CCDC126: variants seen among roughly 807,000 people sequenced by gnomAD.
The protein encoded by CCDC126 is coiled-coil domain-containing protein 126.
A neutral mutation model predicts 11.7 loss-of-function variants in CCDC126; 5 were observed. That is an observed-to-expected ratio of 0.43 (90% CI 0.22 to 0.90). The LOEUF is 0.90. CCDC126 is among the 40% of genes least tolerant of loss of function. The pLI is 0.27. For missense variants in CCDC126, 150 were observed against 163.1 expected (o/e 0.92, Z 0.44); for synonymous variants, 60 against 61.9 (o/e 0.97, Z 0.14).
At chr7:23,641,394 C>G (rs1263216350) in intron 3 of CCDC126, among the ~76,000 whole-genome samples, 2 of 152,124 alleles carry the variant, frequency 1.3e-5, no homozygotes, top group African/African-American at 4.8e-5. Context: ...TTTATATATT[C>G]TAGGTAGTAG....
intron 2 of CCDC126, among the ~76,000 whole-genome samples, chr7:23,605,528 C>A (rs1236716808): frequency 1.3e-5 from 2 of 152,018 alleles, no homozygotes; most frequent in African/African-American, 4.8e-5. Flanking sequence ...CATCATCATG[C>A]AACCATCACT....
In CCDC126 at chr7:23,644,217, A is replaced by G. The variant is rs1783419928; in HGVS notation, c.*1102A>G. On this transcript the variant is annotated 3_prime_UTR_variant, in exon 4 of 4. Transcript: ENST00000307471. ...TAAAATAAGAACATTTAAAATATAA[A>G]CTATGAAGATTGACTATCTTTTCAG... 1 of 152,326 alleles carries G rather than the reference A, an allele frequency of 6.6e-6. No homozygotes were observed. Among genetic ancestry groups the G allele is most frequent in the African/African-American group, 2.4e-5 (1 of 41,440 alleles). 9.4% of individuals were successfully genotyped at this position (152,326 alleles called of 1,614,324 possible). A position where few individuals can be genotyped will look rare whatever the true frequency, so the allele number is the denominator to read the frequency against.
intron 2 of CCDC126, chr7:23,598,627 G>C (rs137874710): frequency 6.6e-6 from 1 of 152,194 alleles, no homozygotes; most frequent in Non-Finnish European, 1.5e-5. Flanking sequence ...TTACAGTCCT[G>C]CCTCTGGGCT....
intron 3 of CCDC126, among the ~76,000 whole-genome samples, chr7:23,624,207 A>G (rs1187610282): frequency 6.6e-6 from 1 of 152,160 alleles, no homozygotes; most frequent in Non-Finnish European, 1.5e-5. Context: ...ACATAAAGAG[A>G]AAAACAGTTT....
At chr7:23,637,964 T>C (rs1235972114) in intron 3 of CCDC126, among the ~76,000 whole-genome samples, 2 of 91,108 alleles carry the variant, frequency 2.2e-5, no homozygotes, top group South Asian at 4.7e-4. Context: ...GGGAGGGAGG[T>C]GGGGGGGTCA....
intron 3 of CCDC126, among the ~76,000 whole-genome samples, chr7:23,621,093 T>A (rs1279665530): frequency 2.0e-5 from 3 of 152,246 alleles, no homozygotes; most frequent in African/African-American, 7.2e-5. Flanking sequence ...AACTTTAAAG[T>A]AGTTTTTTCC....
chr7:23,608,068 G>A (rs979099299), intron 2 of CCDC126, among the ~76,000 whole-genome samples: 2 of 152,174 alleles, frequency 1.3e-5, no homozygotes, highest in Non-Finnish European at 2.9e-5. Flanking sequence ...AAGGAGAAAC[G>A]TGCATGCACA....
intron 2 of CCDC126, among the ~76,000 whole-genome samples, chr7:23,608,021 A>C (rs553090564): frequency 9.2e-5 from 14 of 152,338 alleles, no homozygotes; most frequent in Non-Finnish European, 1.2e-4. Context: ...CCGAATATAC[A>C]TATTTAATAA....
chr7:23,622,918 G>A (rs1287756669), intron 3 of CCDC126: 1 of 289,392 alleles, frequency 3.5e-6, no homozygotes, highest in Non-Finnish European at 6.8e-6. Context: ...TTATTATTCT[G>A]TTGACCTGTT....
chr7:23,629,610 G>A (rs1783072660), intron 3 of CCDC126, among the ~76,000 whole-genome samples: 1 of 151,788 alleles, frequency 6.6e-6, no homozygotes, highest in Non-Finnish European at 1.5e-5. Context: ...AAAATAGAAA[G>A]TCTCAGGAGA....
intron 3 of CCDC126, among the ~76,000 whole-genome samples, chr7:23,638,726 T>TAAAAAAAAAAAAAAAAA (rs1783291366): frequency 2.6e-5 from 1 of 39,210 alleles, no homozygotes. Flanking sequence ...AAAAAAAAAA[T>TAAAAAAAAAAAAAAAAA]TAAAAAAAAA....
At chr7:23,616,032 A>G (rs1458751857) in intron 3 of CCDC126, among the ~76,000 whole-genome samples, 3 of 152,204 alleles carry the variant, frequency 2.0e-5, no homozygotes, top group Non-Finnish European at 4.4e-5. Flanking sequence ...TAAAAACACA[A>G]TATCTGTAAA....
In CCDC126 at chr7:23,633,201, G is replaced by C. The variant is rs113637032; in HGVS notation, c.239-9730G>C. 1.8e-4 allele frequency among the ~76,000 whole-genome samples: 27 copies of C among 151,886 alleles called. 2 individuals are homozygous for C. The highest frequency in any genetic ancestry group is 4.6e-4 in the African/African-American group (19 of 41,400). ...GGGAAGGGGTTTCTCCATGTTGATC[G>C]GGCTGGTCTGGAACTCCCAACCTCA... is the stretch of plus-strand genomic sequence containing the variant. On this transcript the variant is annotated intron_variant, in intron 3 of 3. Coordinates refer to ENST00000307471, the MANE Select transcript of CCDC126 (RefSeq NM_138771.4).
chr7:23,604,870 C>T (rs992118607), intron 2 of CCDC126, among the ~76,000 whole-genome samples: 5 of 151,744 alleles, frequency 3.3e-5, no homozygotes, highest in East Asian at 3.9e-4. Context: ...TGGTGGCGGG[C>T]GCCTGTAGTC....
At chr7:23,632,001 G>C (rs759686197) in intron 3 of CCDC126, among the ~76,000 whole-genome samples, 8 of 151,060 alleles carry the variant, frequency 5.3e-5, no homozygotes, top group Non-Finnish European at 7.4e-5. Flanking sequence ...AAAAACTGCA[G>C]ATCAAAATTC....
chr7:23,623,866 T>C (rs1404286489), intron 3 of CCDC126, among the ~76,000 whole-genome samples: 1 of 152,208 alleles, frequency 6.6e-6, no homozygotes, highest in Non-Finnish European at 1.5e-5. Context: ...AAATTGTCGC[T>C]TTGTAGTAAA....
chr7:23,633,894 A>C (rs932163352), intron 3 of CCDC126, among the ~76,000 whole-genome samples: 1 of 152,210 alleles, frequency 6.6e-6, no homozygotes, highest in Non-Finnish European at 1.5e-5. Context: ...GTGATTTCTA[A>C]ATTTTCTTGC....
At chr7:23,612,433 C>G (rs1461869919) in intron 3 of CCDC126, among the ~76,000 whole-genome samples, 1 of 125,694 alleles carries the variant, frequency 8.0e-6, no homozygotes, top group Non-Finnish European at 1.6e-5. Flanking sequence ...CGAGATTGTG[C>G]CACTGAATTC....
At position 23,620,520 on chromosome 7, in the gene CCDC126, T is replaced by G. The variant is rs556907114; in HGVS notation, c.238+8967T>G. ...TAGATTGCAAAAATTTTCTCCCATT[T>G]TGTAGGTTGCCTGTTCACTCTGATG... On this transcript the variant is annotated intron_variant, in intron 3 of 3. Coordinates refer to ENST00000307471, the MANE Select transcript of CCDC126 (RefSeq NM_138771.4). Among the ~76,000 whole-genome samples the G allele has an allele frequency of 7.1e-3, 1,057 of 149,272 alleles. 8 individuals are homozygous for G. The highest frequency in any genetic ancestry group is 0.025 in the African/African-American group (1,017 of 40,668).
Sources: gnomAD v4.1 joint callset for allele counts (sites outside exome capture counted in the v4.1 genomes callset) on GRCh38, gnomAD v4.1.1 for gene constraint, MANE v1.5 for transcripts, NCBI Gene and HGNC (gene_info 2026-07-23, HGNC 2026-07-21) for gene names.